The following ZNF582 variants were observed in gnomAD, a reference collection of about 807,000 sequenced individuals.
The protein encoded by ZNF582 is zinc finger protein 582.
Under a neutral mutation model 12.3 loss-of-function variants are expected in ZNF582, and 14 were observed. That is an observed-to-expected ratio of 1.14 (90% CI 0.75 to 1.78). The LOEUF is 1.78. Among genes scored for constraint, ZNF582 ranks in the 40% most tolerant of loss-of-function variants. The pLI, the probability that ZNF582 is intolerant of heterozygous loss-of-function variation, is 0.00. For missense variants in ZNF582, 567 were observed against 616.5 expected (o/e 0.92, Z 0.85); for synonymous variants, 210 against 207.2 (o/e 1.01, Z -0.11).
chr19:56,383,768 A>G, exon 5 of ZNF582: 2 of 1,391,944 alleles, frequency 1.4e-6, no homozygotes, highest in Non-Finnish European at 9.5e-7. Flanking sequence ...CAGACTTAGG[A>G]TAAAGGCTTA....
At chr19:56,388,695 C>CAT (rs2041989618) in intron 4 of ZNF582, among the ~76,000 whole-genome samples, 1 of 152,062 alleles carries the variant, frequency 6.6e-6, no homozygotes, top group Non-Finnish European at 1.5e-5. Flanking sequence ...CGCAGTGGTT[C>CAT]GATCTCGGAT....
At chr19:56,393,100 ACT>A (rs1214363270) in intron 1 of ZNF582, 118 bp downstream of exon 1, 8 of 852,646 alleles carry the variant, frequency 9.4e-6, no homozygotes, top group Non-Finnish European at 1.3e-5. Flanking sequence ...GGGTCTTGTA[ACT>A]CTCTGAGAAC....
At chr19:56,383,735 A>G (rs2147502933) in exon 5 of ZNF582, 1 of 1,153,718 alleles carries the variant, frequency 8.7e-7, no homozygotes, top group Non-Finnish European at 1.2e-6. Flanking sequence ...TACATCCATA[A>G]AATTTTCTTT....
chr19:56,385,034 A>G, exon 5 of ZNF582: 1 of 1,614,156 alleles, frequency 6.2e-7, no homozygotes, highest in South Asian at 1.1e-5. Context: ...TTGTCTGTCA[A>G]ACTGGTTTCT....
chr19:56,393,053 T>C (rs1308026073), intron 1 of ZNF582, among the ~76,000 whole-genome samples, 167 bp downstream of exon 1: 1 of 151,840 alleles, frequency 6.6e-6, no homozygotes, highest in African/African-American at 2.4e-5. Flanking sequence ...TGTTCCCAAG[T>C]ATAAGTTTTT....
chr19:56,391,926 AC>A, intron 1 of ZNF582, 94 bp from the exon 2 acceptor site: 1 of 1,069,740 alleles, frequency 9.3e-7, no homozygotes, highest in Non-Finnish European at 1.3e-6. Flanking sequence ...CCCTCTGCCC[AC>A]CAAGAAAATG....
chr19:56,388,055 A>G (rs187549470), intron 4 of ZNF582, among the ~76,000 whole-genome samples: 6 of 151,386 alleles, frequency 4.0e-5, no homozygotes, highest in East Asian at 2.0e-4. Flanking sequence ...ACGGATGTCA[A>G]TTGTGTGGAC....
intron 4 of ZNF582, among the ~76,000 whole-genome samples, chr19:56,386,950 G>T (rs962253376): frequency 6.6e-6 from 1 of 152,200 alleles, no homozygotes; most frequent in Non-Finnish European, 1.5e-5. Flanking sequence ...TTTAAATGTT[G>T]CCATGAAGTT....
exon 5 of ZNF582, chr19:56,383,240 A>T (rs567001452): frequency 2.0e-5 from 3 of 152,362 alleles, no homozygotes; most frequent in African/African-American, 7.2e-5. Flanking sequence ...TCCTAAATTT[A>T]GATTATTTCT....
At chr19:56,392,926 T>A (rs532788452) in intron 1 of ZNF582, among the ~76,000 whole-genome samples, 2 of 152,302 alleles carry the variant, frequency 1.3e-5, no homozygotes, top group Non-Finnish European at 2.9e-5. Context: ...TTCCTTATTA[T>A]GACCACTTTT....
intron 4 of ZNF582, among the ~76,000 whole-genome samples, chr19:56,388,995 G>T (rs2041993908): frequency 6.6e-6 from 1 of 152,122 alleles, no homozygotes; most frequent in African/African-American, 2.4e-5. Context: ...AGGTACCAAG[G>T]GCTCCCTGCT....
exon 5 of ZNF582, chr19:56,383,658 A>C: frequency 2.1e-6 from 1 of 467,442 alleles, no homozygotes; most frequent in Middle Eastern, 5.9e-4. Context: ...GTGGTTCTGG[A>C]ATGTGTTAGA....
intron 4 of ZNF582, among the ~76,000 whole-genome samples, chr19:56,385,671 T>TA (rs79502192): frequency 0.074 from 10,079 of 135,402 alleles, 394 homozygotes; most frequent in African/African-American, 0.12. Flanking sequence ...AGGGAGACTT[T>TA]AAAAAAAAAA....
At chr19:56,383,120 G>C (rs1239285390) in exon 5 of ZNF582, 3 of 152,260 alleles carry the variant, frequency 2.0e-5, no homozygotes, top group Non-Finnish European at 4.4e-5. Flanking sequence ...GCAAGACACA[G>C]ATGCTGCCAA....
At chr19:56,386,848 T>A (rs1226061849) in intron 4 of ZNF582, among the ~76,000 whole-genome samples, 3 of 152,244 alleles carry the variant, frequency 2.0e-5, no homozygotes, top group Non-Finnish European at 4.4e-5. Context: ...ATCCCCAGCC[T>A]CAAAGTACTT....
At chr19:56,392,079 C>CT (rs1414401127) in intron 1 of ZNF582, among the ~76,000 whole-genome samples, 2 of 152,220 alleles carry the variant, frequency 1.3e-5, no homozygotes, top group African/African-American at 4.8e-5. Flanking sequence ...AAATGCAAGT[C>CT]TAAGACAGGG....
chr19:56,386,247 A>T (rs2041965055), intron 4 of ZNF582: 1 of 152,214 alleles, frequency 6.6e-6, no homozygotes, highest in African/African-American at 2.4e-5. Context: ...AGCTATTCTC[A>T]TGTGTCCGCT....
chr19:56,389,883 G>T, intron 4 of ZNF582, 118 bp downstream of exon 4: 1 of 717,264 alleles, frequency 1.4e-6, no homozygotes, highest in East Asian at 2.6e-5. Flanking sequence ...AAAACAACAC[G>T]TAAGACATAA....
At chr19:56,389,312 T>C (rs530162112) in intron 4 of ZNF582, among the ~76,000 whole-genome samples, 2 of 152,172 alleles carry the variant, frequency 1.3e-5, no homozygotes, top group Non-Finnish European at 2.9e-5. Flanking sequence ...ACTCCAGAAT[T>C]CAAACAAACC....
Sources: allele counts gnomAD v4.1 joint callset (sites outside exome capture counted in the v4.1 genomes callset), GRCh38; gene constraint gnomAD v4.1.1; transcripts MANE v1.5; gene names NCBI Gene and HGNC (gene_info 2026-07-23, HGNC 2026-07-21).